The following PTPRD variants were observed in gnomAD, a reference collection of about 807,000 sequenced individuals.
PTPRD encodes protein tyrosine phosphatase receptor type D.
In PTPRD, 34 loss-of-function variants were observed where a neutral mutation model predicts 214.5. The ratio of observed to expected loss-of-function variants is 0.16; its 90% CI spans 0.12 to 0.21. PTPRD has a LOEUF of 0.21. Ranked by LOEUF, PTPRD falls within the 10% of genes least tolerant of loss-of-function variation. PTPRD has a pLI of 1.00. For synonymous variants in PTPRD, 1,128 were observed against 845.7 expected (o/e 1.33, Z -5.79); for missense variants, 2,545 against 2,398.7 (o/e 1.06, Z -1.27).
intron 3 of PTPRD, among the ~76,000 whole-genome samples, chr9:10,322,333 T>G (rs1026480348): frequency 6.6e-6 from 1 of 152,016 alleles, no homozygotes; most frequent in African/African-American, 2.4e-5. Flanking sequence ...AAGCTAAAGC[T>G]AGTACACAAT....
chr9:8,705,684 T>A (rs539908901), intron 12 of PTPRD, among the ~76,000 whole-genome samples: 2 of 152,336 alleles, frequency 1.3e-5, no homozygotes, highest in South Asian at 4.1e-4. Context: ...TTTATCATAT[T>A]CACATAAAAT....
chr9:8,721,786 C>T (rs2098501895), intron 12 of PTPRD, among the ~76,000 whole-genome samples: 1 of 152,186 alleles, frequency 6.6e-6, no homozygotes, highest in Non-Finnish European at 1.5e-5. Context: ...ATTTCTCTTT[C>T]CCAATTCGCA....
At chr9:9,236,383 G>A (rs1051777367) in intron 9 of PTPRD, among the ~76,000 whole-genome samples, 3 of 151,956 alleles carry the variant, frequency 2.0e-5, no homozygotes, top group Non-Finnish European at 4.4e-5. Flanking sequence ...ATAAAAGCTA[G>A]CCTTAGATAC....
At chr9:9,816,613 C>G (rs1227911136) in intron 5 of PTPRD, among the ~76,000 whole-genome samples, 2 of 151,962 alleles carry the variant, frequency 1.3e-5, no homozygotes, top group African/African-American at 4.8e-5. Flanking sequence ...ATTTTCCCCT[C>G]AAATGCCTTA....
At chr9:10,331,253 T>C (rs1022140878) in intron 3 of PTPRD, among the ~76,000 whole-genome samples, 47 of 151,796 alleles carry the variant, frequency 3.1e-4, no homozygotes, top group African/African-American at 9.4e-4. Flanking sequence ...AAAAACAGCA[T>C]GGTTTGGAGC....
At chr9:8,975,787 CAT>C (rs34239991) in intron 11 of PTPRD, among the ~76,000 whole-genome samples, 79 of 149,292 alleles carry the variant, frequency 5.3e-4, no homozygotes, top group African/African-American at 1.6e-3. Flanking sequence ...ATTGAGAAAC[CAT>C]ATATATATAT....
rs373937260 is a variant in PTPRD at position 9,486,012 on chromosome 9, G to A, written c.-236-88530C>T. The stretch of plus-strand genomic sequence containing the variant: ...CTAAAAATACAAAAAATAGCAGGGC[G>A]TGGTGGCTTACGCCTGTAGTCCCAG... On this transcript the variant is annotated intron_variant, in intron 8 of 45. Transcript: ENST00000381196. Among the ~76,000 whole-genome samples the A allele has an allele frequency of 3.3e-5, 5 of 151,882 alleles. No individual in the cohort carries two copies. In the East Asian group the frequency reaches 7.8e-4, roughly 24 times the overall value.
chr9:9,998,123 A>ATATATAT (rs1555449048), intron 4 of PTPRD, among the ~76,000 whole-genome samples: 2 of 47,760 alleles, frequency 4.2e-5, no homozygotes, highest in African/African-American at 2.0e-4. Flanking sequence ...AATAAAAAAA[A>ATATATAT]AAAAAAATAT....
chr9:9,725,327 T>G (rs1488325997), intron 7 of PTPRD, among the ~76,000 whole-genome samples: 1 of 143,734 alleles, frequency 7.0e-6, no homozygotes, highest in Non-Finnish European at 1.5e-5. Flanking sequence ...TTTTTTTTTT[T>G]GCCTGCTGCC....
At chr9:9,985,452 G>A (rs1393545023) in intron 4 of PTPRD, among the ~76,000 whole-genome samples, 2 of 151,964 alleles carry the variant, frequency 1.3e-5, no homozygotes, top group Admixed American at 6.6e-5. Context: ...TTTACAACAT[G>A]CTGGGGCCAT....
intron 8 of PTPRD, among the ~76,000 whole-genome samples, chr9:9,536,648 G>A (rs563077333): frequency 3.9e-5 from 6 of 151,988 alleles, no homozygotes; most frequent in Non-Finnish European, 7.4e-5. Context: ...AAGCAGCGCC[G>A]TCATCATTTT....
intron 11 of PTPRD, chr9:8,797,230 C>G (rs1046084170): frequency 5.9e-5 from 9 of 152,106 alleles, no homozygotes; most frequent in Non-Finnish European, 1.3e-4. Context: ...TAAATTCAAG[C>G]TACAAATGAA....
intron 10 of PTPRD, among the ~76,000 whole-genome samples, chr9:9,131,377 C>T (rs1032509548): frequency 1.3e-5 from 2 of 152,074 alleles, no homozygotes; most frequent in Non-Finnish European, 1.5e-5. Flanking sequence ...CTTTTCACAG[C>T]CTATACAAAT....
At chr9:8,554,695 T>A (rs1016854517) in intron 14 of PTPRD, among the ~76,000 whole-genome samples, 17 of 152,300 alleles carry the variant, frequency 1.1e-4, no homozygotes, top group African/African-American at 4.1e-4. Flanking sequence ...AACAGAAAGC[T>A]AATCCTGGGA....
intron 6 of PTPRD, among the ~76,000 whole-genome samples, chr9:9,754,763 T>C (rs2098552984): frequency 6.6e-6 from 1 of 152,084 alleles, no homozygotes. Flanking sequence ...GATTGTTCAA[T>C]TGTTTCTGCA....
At chr9:8,819,519 G>A in intron 11 of PTPRD, among the ~76,000 whole-genome samples, 1 of 152,114 alleles carries the variant, frequency 6.6e-6, no homozygotes, top group East Asian at 1.9e-4. Flanking sequence ...AAATTAACCA[G>A]GCGAGGTGGC....
At chr9:8,865,773 G>C (rs941738952) in intron 11 of PTPRD, among the ~76,000 whole-genome samples, 3 of 152,080 alleles carry the variant, frequency 2.0e-5, no homozygotes, top group African/African-American at 7.2e-5. Context: ...GCCTCTTATT[G>C]AGACTGTGCT....
intron 9 of PTPRD, among the ~76,000 whole-genome samples, chr9:9,220,337 G>A (rs566458238): frequency 1.4e-5 from 2 of 139,732 alleles, no homozygotes; most frequent in East Asian, 4.2e-4. Flanking sequence ...CTATCTAGAA[G>A]GCTTCATATT....
chr9:9,023,082 C>G (rs1342441750), intron 10 of PTPRD, among the ~76,000 whole-genome samples: 2 of 152,024 alleles, frequency 1.3e-5, no homozygotes, highest in Admixed American at 1.3e-4. Flanking sequence ...AAAGTGGAAC[C>G]TATACAAATA....
Sources: allele counts gnomAD v4.1 joint callset (sites outside exome capture counted in the v4.1 genomes callset), GRCh38; gene constraint gnomAD v4.1.1; transcripts MANE v1.5; gene names NCBI Gene and HGNC (gene_info 2026-07-23, HGNC 2026-07-21).